PABPC4L: variants seen among roughly 807,000 people sequenced by gnomAD.
The protein encoded by PABPC4L is polyadenylate-binding protein 4-like.
For missense variants in PABPC4L, 452 were observed against 451.4 expected (o/e 1.00, Z -0.01); for synonymous variants, 169 against 164.1 (o/e 1.03, Z -0.23).
chr4:134,095,517 G>T, the PABPC4L span, among the ~76,000 whole-genome samples: 107,812 of 151,760 alleles, frequency 0.71, 38,796 homozygotes, highest in East Asian at 0.96. Flanking sequence ...ATAGACAAAC[G>T]CCAATCCATA....
At chr4:133,967,713 T>C in the PABPC4L span, among the ~76,000 whole-genome samples, 3 of 152,308 alleles carry the variant, frequency 2.0e-5, no homozygotes, top group East Asian at 5.8e-4. Flanking sequence ...CTGCCAAATA[T>C]TCTTACTATT....
At chr4:133,998,530 T>G in the PABPC4L span, among the ~76,000 whole-genome samples, 267 of 152,144 alleles carry the variant, frequency 1.8e-3, 1 homozygote, top group African/African-American at 6.2e-3. Context: ...GATGTTCCTG[T>G]CTTTCAAAAT....
chr4:134,059,950 G>T, the PABPC4L span, among the ~76,000 whole-genome samples: 1 of 152,078 alleles, frequency 6.6e-6, no homozygotes, highest in Non-Finnish European at 1.5e-5. Context: ...AAAAGCACAG[G>T]GAAAACAGTC....
the PABPC4L span, among the ~76,000 whole-genome samples, chr4:134,048,752 T>C: frequency 1.6e-4 from 25 of 152,220 alleles, no homozygotes; most frequent in Admixed American, 1.6e-3. Flanking sequence ...ATTTTATGTA[T>C]CAAAGTTATC....
the PABPC4L span, among the ~76,000 whole-genome samples, chr4:134,133,709 G>A: frequency 6.6e-6 from 1 of 151,610 alleles, no homozygotes; most frequent in Admixed American, 6.6e-5. Context: ...GGGGTGTAAG[G>A]GACAAAAGAC....
chr4:134,027,942 A>G, the PABPC4L span, among the ~76,000 whole-genome samples: 3 of 152,166 alleles, frequency 2.0e-5, no homozygotes, highest in African/African-American at 7.2e-5. Context: ...GACATGAGAT[A>G]TCATAATAAA....
chr4:134,108,489 T>A, the PABPC4L span, among the ~76,000 whole-genome samples: 169 of 152,028 alleles, frequency 1.1e-3, no homozygotes, highest in Non-Finnish European at 1.4e-3. Context: ...ATAGCTGGCA[T>A]CTGACCAATT....
the PABPC4L span, among the ~76,000 whole-genome samples, chr4:134,073,292 C>A: frequency 6.6e-6 from 1 of 152,192 alleles, no homozygotes; most frequent in Non-Finnish European, 1.5e-5. Context: ...GGGCTATAGG[C>A]CCCATGCAAG....
the PABPC4L span, among the ~76,000 whole-genome samples, chr4:134,186,376 A>C: frequency 1.3e-5 from 2 of 152,148 alleles, no homozygotes; most frequent in Middle Eastern, 3.2e-3. Context: ...AGTCCCTGGA[A>C]ATAATACCAC....
chr4:133,973,612 G>A, the PABPC4L span, among the ~76,000 whole-genome samples: 2 of 152,150 alleles, frequency 1.3e-5, no homozygotes, highest in African/African-American at 2.4e-5. Context: ...GCCACTGAAA[G>A]GAACTGAATG....
the PABPC4L span, among the ~76,000 whole-genome samples, chr4:134,039,530 G>A: frequency 6.6e-6 from 1 of 152,048 alleles, no homozygotes; most frequent in East Asian, 1.9e-4. Flanking sequence ...ATATATTTAG[G>A]ATAGTTAGTT....
At chr4:134,156,965 G>T in the PABPC4L span, among the ~76,000 whole-genome samples, 10 of 151,610 alleles carry the variant, frequency 6.6e-5, no homozygotes, top group South Asian at 4.2e-4. Flanking sequence ...GTTTTCTTTA[G>T]GTTTAATATG....
At chr4:134,110,745 CT>C in the PABPC4L span, among the ~76,000 whole-genome samples, 6 of 151,822 alleles carry the variant, frequency 4.0e-5, no homozygotes, top group African/African-American at 1.5e-4. Context: ...TAAATCATCT[CT>C]AGATTACTTA....
the PABPC4L span, among the ~76,000 whole-genome samples, chr4:134,089,353 A>G: frequency 1.2e-4 from 19 of 152,180 alleles, no homozygotes; most frequent in African/African-American, 4.3e-4. Context: ...GAGATCCTCC[A>G]CCAGAGTGCT....
chr4:134,023,378 T>A, the PABPC4L span, among the ~76,000 whole-genome samples: 1 of 152,162 alleles, frequency 6.6e-6, no homozygotes, highest in Non-Finnish European at 1.5e-5. Context: ...GGGAGACAGC[T>A]TCCTGGTGCT....
At chr4:134,173,159 CAAAAA>C in the PABPC4L span, among the ~76,000 whole-genome samples, 1 of 78,002 alleles carries the variant, frequency 1.3e-5, no homozygotes, top group Non-Finnish European at 2.6e-5. Context: ...GGAGATTCCT[CAAAAA>C]AAAAAAAAAA....
the PABPC4L span, among the ~76,000 whole-genome samples, chr4:134,014,613 C>T: frequency 1.3e-5 from 2 of 152,196 alleles, no homozygotes; most frequent in Non-Finnish European, 2.9e-5. Flanking sequence ...CTGACTGACT[C>T]CTTCCCAGAT....
chr4:134,130,669 A>T, the PABPC4L span, among the ~76,000 whole-genome samples: 1 of 152,186 alleles, frequency 6.6e-6, no homozygotes, highest in Non-Finnish European at 1.5e-5. Flanking sequence ...TCCTTCCTAA[A>T]TCATTCTATG....
At chr4:134,162,745 A>G in the PABPC4L span, among the ~76,000 whole-genome samples, 1 of 152,148 alleles carries the variant, frequency 6.6e-6, no homozygotes, top group Non-Finnish European at 1.5e-5. Context: ...AAATTAATCA[A>G]ATCTGCTCTT....
Sources: gnomAD v4.1 joint callset for allele counts (sites outside exome capture counted in the v4.1 genomes callset) on GRCh38, gnomAD v4.1.1 for gene constraint, MANE v1.5 for transcripts, NCBI Gene and HGNC (gene_info 2026-07-23, HGNC 2026-07-21) for gene names.